ATOH8: variants seen among roughly 807,000 people sequenced by gnomAD.
The protein encoded by ATOH8 is transcription factor ATOH8.
In ATOH8, 9 loss-of-function variants were observed where a neutral mutation model predicts 21.2. That is an observed-to-expected ratio of 0.42 (90% confidence interval 0.26 to 0.74). The LOEUF (loss-of-function observed/expected upper bound fraction) is 0.74. ATOH8 is among the 30% of genes least tolerant of loss of function. ATOH8 has a pLI of 0.24. For synonymous variants in ATOH8, 253 were observed against 224.0 expected, an observed-to-expected ratio of 1.13 and a Z score of -1.16; for missense variants, 524 against 470.9, an observed-to-expected ratio of 1.11 and a Z score of -1.04.
At chr2:85,768,951 T>C (rs1348842142) in intron 2 of ATOH8, among the ~76,000 whole-genome samples, 2 of 152,132 alleles carry the variant, frequency 1.3e-5, no homozygotes, top group Admixed American at 6.5e-5. Flanking sequence ...CAGTTCTGAC[T>C]CCGGCTGCAG....
At chr2:85,776,948 C>A (rs778089119) in intron 2 of ATOH8, among the ~76,000 whole-genome samples, 1 of 152,136 alleles carries the variant, frequency 6.6e-6, no homozygotes, top group Non-Finnish European at 1.5e-5. Flanking sequence ...CACGTACACA[C>A]GAGTCCCTGC....
At chr2:85,755,571 C>G (rs1485523318) in intron 1 of ATOH8, among the ~76,000 whole-genome samples, 1 of 152,162 alleles carries the variant, frequency 6.6e-6, no homozygotes, top group Non-Finnish European at 1.5e-5. Context: ...TCCTTTCACC[C>G]GTGGTGAAGC....
At chr2:85,755,748 T>TA (rs1258347387) in intron 1 of ATOH8, among the ~76,000 whole-genome samples, 1 of 152,094 alleles carries the variant, frequency 6.6e-6, no homozygotes, top group Non-Finnish European at 1.5e-5. Context: ...ACCCAAGAAT[T>TA]ACCCGTGGTG....
intron 1 of ATOH8, among the ~76,000 whole-genome samples, chr2:85,757,427 T>C (rs1485797407): frequency 6.6e-6 from 1 of 152,246 alleles, no homozygotes; most frequent in African/African-American, 2.4e-5. Context: ...GGCTCGGGCC[T>C]GACTGAAATG....
chr2:85,761,282 ACCT>A (rs1195988416), intron 1 of ATOH8, among the ~76,000 whole-genome samples: 1 of 151,768 alleles, frequency 6.6e-6, no homozygotes, highest in African/African-American at 2.4e-5. Flanking sequence ...CCAATATGTC[ACCT>A]CTCTGTTTTT....
chr2:85,754,398 T>G lies in ATOH8; in HGVS notation c.209T>G (p.Val70Gly). ...GACAGGACCCATCGGCTGCAGCCGG[T>G]CCCGGTACCGGTGCCGGTGCCAGTC... Reference protein sequence around the residue: ...LRDRTHRLQPVPVPVPVPVPV... With the variant: ...LRDRTHRLQPGPVPVPVPVPV... The change falls in exon 1 of 3, where the codon GTC becomes GGC. Residue 70 changes from valine (V) to glycine (G), a missense_variant. Transcript: ENST00000306279. 1 of 1,572,948 alleles carries G rather than the reference T, an allele frequency of 6.4e-7. No individual in the cohort carries two copies. Among genetic ancestry groups the G allele is most frequent in the South Asian group, 1.1e-5 (1 of 87,470 alleles).
intron 2 of ATOH8, chr2:85,774,451 C>T (rs570393811): frequency 1.7e-4 from 164 of 985,506 alleles, no homozygotes; most frequent in African/African-American, 1.4e-3. Flanking sequence ...AAAGCAGTTT[C>T]CATGGGAAAC....
At position 85,783,369 on chromosome 2, in the gene ATOH8, A is replaced by G. The variant is rs1420009374; in HGVS notation, c.961-3516A>G. On this transcript the variant is annotated intron_variant, in intron 2 of 2. Transcript: ENST00000306279. ...TGGATCATCTGAGGTTGGAAGTTCA[A>G]GACCAGCCTGGCCATGGTGAAACCC... Among the ~76,000 whole-genome samples the G allele has an allele frequency of 2.6e-5, 4 of 152,184 alleles. No individual in the cohort carries two copies. In the East Asian group the frequency reaches 7.7e-4, roughly 29 times the overall value.
intron 2 of ATOH8, among the ~76,000 whole-genome samples, chr2:85,765,056 G>T (rs989792211): frequency 1.3e-5 from 2 of 152,222 alleles, no homozygotes; most frequent in African/African-American, 4.8e-5. Context: ...GGTGGCCAAA[G>T]CTCTGGGCAT....
At position 85,789,652 on chromosome 2, in the gene ATOH8, C is replaced by T. The variant is rs1312930217; in HGVS notation, c.*2762C>T. Among the ~76,000 whole-genome samples the T allele has an allele frequency of 6.6e-6, 1 of 152,166 alleles. No individual in the cohort carries two copies. The highest frequency in any genetic ancestry group is 1.5e-5 in the Non-Finnish European group (1 of 68,036). ...ATGAAGTATTGATGCCCAATTTCATCTCCAGAAATTCTGATGTATTGGTCT... is the reference window on the plus strand; with the variant it reads ...ATGAAGTATTGATGCCCAATTTCATTTCCAGAAATTCTGATGTATTGGTCT... On this transcript the variant is annotated 3_prime_UTR_variant, in exon 3 of 3. Coordinates refer to ENST00000306279, the MANE Select transcript of ATOH8 (RefSeq NM_032827.7).
chr2:85,754,325 G>T lies in ATOH8; in HGVS notation c.136G>T (p.Asp46Tyr). Residue 46 changes from aspartate (D) to tyrosine (Y), a missense_variant, in exon 1 of 3, where the codon GAC becomes TAC. Coordinates refer to ENST00000306279, the MANE Select transcript of ATOH8 (RefSeq NM_032827.7). ...RANGYKTFRLDLEAPEPRAVA... is the reference protein window; with the variant it reads ...RANGYKTFRLYLEAPEPRAVA... ...GAACGGCTATAAAACTTTCCGACTG[G>T]ACTTGGAAGCGCCCGAGCCCCGCGC... is the stretch of plus-strand genomic sequence containing the variant. The T allele has an allele frequency of 6.2e-7, 1 of 1,609,384 alleles. No homozygotes were observed. The highest frequency in any genetic ancestry group is 8.5e-7 in the Non-Finnish European group (1 of 1,178,624).
At chr2:85,784,646 C>T (rs534825871) in intron 2 of ATOH8, among the ~76,000 whole-genome samples, 1 of 152,286 alleles carries the variant, frequency 6.6e-6, no homozygotes, top group East Asian at 1.9e-4. Flanking sequence ...CAGTGACTTT[C>T]CAAGTGGGAC....
rs760176216 is a variant in ATOH8 at position 85,764,027 on chromosome 2, C to T, written c.805C>T (p.Leu269=). 7.4e-6 allele frequency: 12 copies of T among 1,614,068 alleles called. No homozygotes were observed. The South Asian group carries it at 1.2e-4, about 16-fold the overall frequency. ...CTCATATGGGCAGAAGCTGTCCAAACTGGCCATCCTGAGGATCGCCTGTAA... is the reference window on the plus strand; with the variant it reads ...CTCATATGGGCAGAAGCTGTCCAAATTGGCCATCCTGAGGATCGCCTGTAA... ...CYSYGQKLSK[L]AILRIACNYI... The change falls in exon 2 of 3, where the codon CTG becomes TTG. Residue 269 remains leucine, a synonymous_variant. Transcript: ENST00000306279.
chr2:85,785,050 C>T lies in ATOH8; in HGVS notation c.961-1835C>T, dbSNP rs1041089928. On this transcript the variant is annotated intron_variant, in intron 2 of 2. Coordinates refer to ENST00000306279, the MANE Select transcript of ATOH8 (RefSeq NM_032827.7). This position sits in a 1 kb window ranked among gnomAD's most constrained non-coding sequence, Gnocchi z 4.1. ...TCCTGGATGGTAGCTGTGGCTTCAG[C>T]GGGGACTAAGAGCCAACAGACGGCT... Among the ~76,000 whole-genome samples the T allele has an allele frequency of 2.0e-5, 3 of 152,246 alleles. No homozygotes were observed. Among genetic ancestry groups the T allele is most frequent in the Admixed American group, 6.5e-5 (1 of 15,290 alleles).
intron 2 of ATOH8, among the ~76,000 whole-genome samples, chr2:85,784,090 A>G (rs1680566423): frequency 6.6e-6 from 1 of 152,328 alleles, no homozygotes; most frequent in South Asian, 2.1e-4. Flanking sequence ...GCAGGGCCAC[A>G]GACTGCCCCT....
chr2:85,754,581 C>T lies in ATOH8; in HGVS notation c.392C>T (p.Ala131Val), dbSNP rs1017340165. The T allele has an allele frequency of 6.9e-7, 1 of 1,448,452 alleles. No homozygotes were observed. The highest frequency in any genetic ancestry group is 1.4e-5 in the South Asian group (1 of 70,992). 89.7% of individuals were successfully genotyped at this position (1,448,452 alleles called of 1,614,324 possible). The change falls in exon 1 of 3, where the codon GCG becomes GTG. Residue 131 changes from alanine to valine, a missense_variant. Ala to Val is a moderately conservative substitution (Grantham distance 64). Transcript: ENST00000306279. ...ACGCCGCCGCCGCCGCCGCCTCCTGCGCCCCAGAGCCAGGCACCTGGGGGC... is the reference window on the plus strand; with the variant it reads ...ACGCCGCCGCCGCCGCCGCCTCCTGTGCCCCAGAGCCAGGCACCTGGGGGC... ...LPTPPPPPPP[A>V]PQSQAPGGPE...
At chr2:85,780,682 C>T (rs2104533072) in intron 2 of ATOH8, 1 of 163,688 alleles carries the variant, frequency 6.1e-6, no homozygotes, top group East Asian at 1.9e-4. Context: ...GGAACTAATG[C>T]ATCTTTGTTG....
In ATOH8 at chr2:85,787,081, C is replaced by T. The variant is rs1252744804; in HGVS notation, c.*191C>T. On this transcript the variant is annotated 3_prime_UTR_variant, in exon 3 of 3. Transcript: ENST00000306279. ...CCCCTCCGCCCTCACCCAGCCAATC[C>T]GAGGCTGCTTCGCACTTTGCCCTCT... 2.3e-5 allele frequency: 16 copies of T among 681,556 alleles called. No individual in the cohort carries two copies. Among genetic ancestry groups the T allele is most frequent in the South Asian group, 8.1e-5 (4 of 49,646 alleles). 42.2% of individuals were successfully genotyped at this position (681,556 alleles called of 1,614,324 possible).
chr2:85,771,192 C>T (rs1178355140), intron 2 of ATOH8, among the ~76,000 whole-genome samples: 2 of 152,188 alleles, frequency 1.3e-5, no homozygotes, highest in African/African-American at 4.8e-5. Context: ...CTCAGCAAAA[C>T]TGTGAAGTAG....
Sources: gnomAD v4.1 joint callset for allele counts (sites outside exome capture counted in the v4.1 genomes callset) on GRCh38, gnomAD v4.1.1 for gene constraint, Gnocchi (gnomAD v3.1) non-coding constraint, MANE v1.5 for transcripts, NCBI Gene and HGNC (gene_info 2026-07-23, HGNC 2026-07-21) for gene names.